Variants in NPHP1 observed in about 807,000 individuals in gnomAD.
The protein encoded by NPHP1 is nephrocystin-1.
A neutral mutation model predicts 90.4 loss-of-function variants in NPHP1; 70 were observed. The ratio of observed to expected loss-of-function variants is 0.77; its 90% CI spans 0.64 to 0.95. The LOEUF (loss-of-function observed/expected upper bound fraction) is 0.95. Ranked by LOEUF, NPHP1 falls within the 40% of genes least tolerant of loss-of-function variation. The pLI is 0.00. For missense variants in NPHP1, 764 were observed against 795.9 expected, an observed-to-expected ratio of 0.96 and a Z score of 0.48; for synonymous variants, 256 against 271.7, an observed-to-expected ratio of 0.94 and a Z score of 0.57.
intron 4 of NPHP1, among the ~76,000 whole-genome samples, chr2:110,174,824 T>A (rs1323944662): frequency 6.6e-6 from 1 of 151,986 alleles, no homozygotes; most frequent in Non-Finnish European, 1.5e-5. Context: ...GTGCTTTTTT[T>A]TTTTTTTGGT....
intron 12 of NPHP1, 109 bp from the exon 13 acceptor site, chr2:110,148,135 C>A: frequency 1.3e-6 from 1 of 789,870 alleles, no homozygotes. Flanking sequence ...ATTGTAATCC[C>A]AATGTTGAAG....
intron 4 of NPHP1, among the ~76,000 whole-genome samples, chr2:110,177,849 C>T (rs934356676): frequency 6.6e-6 from 1 of 151,906 alleles, no homozygotes; most frequent in African/African-American, 2.4e-5. Flanking sequence ...TCAAGCAATC[C>T]TCCTTGCCTC....
intron 5 of NPHP1, 59 bp from the exon 6 acceptor site, chr2:110,168,612 C>A: frequency 1.9e-6 from 2 of 1,076,060 alleles, no homozygotes; most frequent in East Asian, 2.4e-5. Context: ...GAGTATATGT[C>A]AATACCAATG....
rs752453715 is a variant in NPHP1 at position 110,129,302 on chromosome 2, T to G, written c.1643-43A>C. 2.8e-6 allele frequency: 4 copies of G among 1,429,144 alleles called. No individual in the cohort carries two copies. In the South Asian group the frequency reaches 4.7e-5, roughly 17 times the overall value. 88.5% of individuals were successfully genotyped at this position (1,429,144 alleles called of 1,614,324 possible). On this transcript the variant is annotated intron_variant, in intron 17 of 19. Transcript: ENST00000445609. ...AGAAAGAATTTTATGCAAACTTCAC[T>G]CAATGGATTTTATTGCAATAGACAC...
chr2:110,189,745 C>G (rs897696628), intron 2 of NPHP1, among the ~76,000 whole-genome samples: 1 of 152,104 alleles, frequency 6.6e-6, no homozygotes, highest in Non-Finnish European at 1.5e-5. Context: ...AATCCCTGAG[C>G]TAGACACAAA....
chr2:110,184,698 C>G, intron 2 of NPHP1: 1 of 729,294 alleles, frequency 1.4e-6, no homozygotes, highest in Non-Finnish European at 2.5e-6. Flanking sequence ...TTCCACTCAT[C>G]CTTTGAGTTT....
chr2:110,191,709 C>T (rs1684753242), intron 2 of NPHP1, among the ~76,000 whole-genome samples: 1 of 152,174 alleles, frequency 6.6e-6, no homozygotes, highest in Non-Finnish European at 1.5e-5. Flanking sequence ...AGACTGCCTC[C>T]TCAAGTGGGT....
intron 1 of NPHP1, 140 bp from the exon 2 acceptor site, chr2:110,201,634 T>C (rs775016349): frequency 1.5e-4 from 94 of 642,722 alleles, no homozygotes; most frequent in Non-Finnish European, 2.4e-4. Context: ...TGAAAACCCA[T>C]ATACCCGCTA....
chr2:110,168,251 T>C (rs1245215514), intron 6 of NPHP1, among the ~76,000 whole-genome samples: 1 of 152,160 alleles, frequency 6.6e-6, no homozygotes, highest in African/African-American at 2.4e-5. Flanking sequence ...GTTCCAGGGC[T>C]CACATGCGTA....
At chr2:110,198,002 A>T (rs145782735) in intron 2 of NPHP1, among the ~76,000 whole-genome samples, 5 of 152,158 alleles carry the variant, frequency 3.3e-5, no homozygotes, top group African/African-American at 9.7e-5. Flanking sequence ...CTAAGCACAC[A>T]TTCATCTTCA....
chr2:110,153,686 A>G (rs573477501), intron 11 of NPHP1, among the ~76,000 whole-genome samples: 24 of 152,130 alleles, frequency 1.6e-4, no homozygotes, highest in Non-Finnish European at 3.1e-4. Context: ...GGAGTTCTAA[A>G]AAATGTTCAA....
intron 13 of NPHP1, among the ~76,000 whole-genome samples, chr2:110,147,182 CAGAT>C (rs1407033724): frequency 6.6e-6 from 1 of 152,022 alleles, no homozygotes; most frequent in Non-Finnish European, 1.5e-5. Flanking sequence ...GTTTCACTGA[CAGAT>C]AGAATGCAGA....
chr2:110,157,026 C>T (rs536117843), intron 11 of NPHP1, among the ~76,000 whole-genome samples: 3 of 152,198 alleles, frequency 2.0e-5, no homozygotes, highest in East Asian at 1.9e-4. Context: ...CTGCCCGCCT[C>T]GGCCTCCCAA....
rs548662698 is a variant in NPHP1 at position 110,158,390 on chromosome 2, A to G, written c.1083+1737T>C. 2.6e-5 allele frequency among the ~76,000 whole-genome samples: 4 copies of G among 152,170 alleles called. No homozygotes were observed. In the South Asian group the frequency reaches 8.3e-4, roughly 32 times the overall value. On this transcript the variant is annotated intron_variant, in intron 11 of 19. Transcript: ENST00000445609. Reference sequence around the variant, plus strand: ...GCTTGTCCTATATTACTGAGAGAGAAGTGTTAAACTCCCCAACTATAATAG... The same window carrying G: ...GCTTGTCCTATATTACTGAGAGAGAGGTGTTAAACTCCCCAACTATAATAG...
At chr2:110,164,927 T>C (rs1413453439) in intron 7 of NPHP1, 125 bp downstream of exon 7, 2 of 890,304 alleles carry the variant, frequency 2.2e-6, no homozygotes, top group East Asian at 5.3e-5. Context: ...CAGACAATAG[T>C]ATGAAAAGCT....
At chr2:110,170,128 T>C in intron 4 of NPHP1, 130 bp from the exon 5 acceptor site, 1 of 1,243,778 alleles carries the variant, frequency 8.0e-7, no homozygotes, top group Non-Finnish European at 1.2e-6. Context: ...TAAGGGAAAA[T>C]ACAAAGAACA....
intron 11 of NPHP1, among the ~76,000 whole-genome samples, chr2:110,152,055 G>A (rs142114798): frequency 1.1e-3 from 167 of 152,272 alleles, no homozygotes; most frequent in African/African-American, 3.9e-3. Context: ...GAGGGTGAAT[G>A]ACTGGCTTAG....
intron 11 of NPHP1, among the ~76,000 whole-genome samples, chr2:110,159,846 T>G (rs1028143944): frequency 1.3e-5 from 2 of 152,126 alleles, no homozygotes; most frequent in African/African-American, 4.8e-5. Flanking sequence ...TAACTCACTC[T>G]TCTTTTTCTA....
intron 8 of NPHP1, chr2:110,164,143 C>T (rs1381412649): frequency 7.0e-6 from 2 of 284,902 alleles, no homozygotes; most frequent in Non-Finnish European, 1.3e-5. Flanking sequence ...CTCATGCAAT[C>T]CTCCCACCTC....
Sources: gnomAD v4.1 joint callset for allele counts (sites outside exome capture counted in the v4.1 genomes callset) on GRCh38, gnomAD v4.1.1 for gene constraint, MANE v1.5 for transcripts, NCBI Gene and HGNC (gene_info 2026-07-23, HGNC 2026-07-21) for gene names.